The following ASIC2 variants were observed in gnomAD, a reference collection of about 807,000 sequenced individuals.
The protein encoded by ASIC2 is acid-sensing ion channel 2.
A neutral mutation model predicts 57.3 loss-of-function variants in ASIC2; 25 were observed. The observed-to-expected ratio is 0.44, with a 90% confidence interval of 0.32 to 0.61. The LOEUF (loss-of-function observed/expected upper bound fraction) is 0.61. Among genes scored for constraint, ASIC2 ranks in the 20% least tolerant of loss-of-function variants. The pLI is 0.06. For synonymous variants in ASIC2, 319 were observed against 307.5 expected (o/e 1.04, Z -0.39); for missense variants, 641 against 738.1 (o/e 0.87, Z 1.52).
rs114255659 is a variant in ASIC2 at position 33,342,445 on chromosome 17, T to G, written c.556-230378A>C. 3.5e-3 allele frequency among the ~76,000 whole-genome samples: 527 copies of G among 152,236 alleles called. 4 individuals are homozygous for G. The highest frequency in any genetic ancestry group is 0.012 in the African/African-American group (501 of 41,546). The stretch of plus-strand genomic sequence containing the variant: ...TTGTGTGTTTGTAAGTCTATATGAG[T>G]TCACATGTACATACATGCATGTGGT... On this transcript the variant is annotated intron_variant, in intron 1 of 9. Transcript: ENST00000359872.
At chr17:33,062,231 C>G (rs113186924) in intron 3 of ASIC2, among the ~76,000 whole-genome samples, 1 of 152,126 alleles carries the variant, frequency 6.6e-6, no homozygotes, top group African/African-American at 2.4e-5. Flanking sequence ...TCTTGCTTCT[C>G]TAGTTCTTTT....
intron 1 of ASIC2, among the ~76,000 whole-genome samples, chr17:33,474,366 A>C (rs1474989498): frequency 6.6e-6 from 1 of 152,126 alleles, no homozygotes; most frequent in African/African-American, 2.4e-5. Flanking sequence ...GACTCCTTGC[A>C]TCCCCCCGCC....
In ASIC2 at chr17:33,434,102, G is replaced by A. The variant is rs543357681; in HGVS notation, c.556-322035C>T. Among the ~76,000 whole-genome samples the A allele has an allele frequency of 7.2e-5, 11 of 151,942 alleles. No individual in the cohort carries two copies. In the East Asian group the frequency reaches 1.2e-3, roughly 16 times the overall value. ...TCAAGACCAGCCTGGGCAACATTAC[G>A]AGACCTCCTCTCAAAAAATAAATAA... is the stretch of plus-strand genomic sequence containing the variant. On this transcript the variant is annotated intron_variant, in intron 1 of 9. Transcript: ENST00000359872.
chr17:33,305,760 TA>T (rs990985998), intron 1 of ASIC2, among the ~76,000 whole-genome samples: 2 of 151,986 alleles, frequency 1.3e-5, no homozygotes, highest in East Asian at 1.9e-4. Flanking sequence ...ATGGTTTCAT[TA>T]AAAAAAAGTT....
chr17:33,214,022 C>T (rs1005981164), intron 1 of ASIC2, among the ~76,000 whole-genome samples: 11 of 150,338 alleles, frequency 7.3e-5, no homozygotes, highest in African/African-American at 2.7e-4. Flanking sequence ...AATGTGCACA[C>T]TTCCCTGAGC....
At chr17:33,632,679 G>A (rs1906212318) in intron 1 of ASIC2, among the ~76,000 whole-genome samples, 1 of 152,100 alleles carries the variant, frequency 6.6e-6, no homozygotes, top group Non-Finnish European at 1.5e-5. Context: ...AAGTCCTCCT[G>A]CCTCAGGCTC....
In ASIC2 at chr17:33,028,327, A is replaced by T. The variant is rs138818460; in HGVS notation, c.1053T>A (p.Pro351=). Residue 351 remains proline (P), a synonymous_variant, in exon 4 of 10, where the codon CCT becomes CCA. Transcript: ENST00000225823. ...RSSEMGLDFF[P]VYSITACRID... ...TCCTACAGGCGGTGATGCTGTAAAC[A>T]GGAAAAAAGTCGAGGCCCATCTCTG... The T allele has an allele frequency of 1.2e-6, 2 of 1,614,088 alleles. No individual in the cohort carries two copies. The highest frequency in any genetic ancestry group is 2.7e-5 in the African/African-American group (2 of 74,930).
At chr17:33,146,496 C>G (rs149079910) in intron 1 of ASIC2, among the ~76,000 whole-genome samples, 407 of 152,330 alleles carry the variant, frequency 2.7e-3, no homozygotes, top group African/African-American at 9.6e-3. Context: ...TTCCTACTAT[C>G]AAAAACTAGG....
At chr17:33,741,549 A>G (rs1339966361) in intron 1 of ASIC2, among the ~76,000 whole-genome samples, 1 of 152,206 alleles carries the variant, frequency 6.6e-6, no homozygotes, top group African/African-American at 2.4e-5. Context: ...AAGGGGGCAT[A>G]AAGATAAAAC....
At chr17:33,521,850 G>A (rs779838466) in intron 1 of ASIC2, among the ~76,000 whole-genome samples, 14 of 152,294 alleles carry the variant, frequency 9.2e-5, no homozygotes, top group African/African-American at 3.4e-4. Context: ...GAAGACACCT[G>A]ACAAGAGGGG....
At chr17:33,456,045 C>CGAA (rs1912441417) in intron 1 of ASIC2, among the ~76,000 whole-genome samples, 1 of 152,164 alleles carries the variant, frequency 6.6e-6, no homozygotes, top group African/African-American at 2.4e-5. Context: ...TCCAGGCTTC[C>CGAA]GGTCCAGGGC....
chr17:33,920,469 T>C (rs1443430553), intron 1 of ASIC2, among the ~76,000 whole-genome samples: 1 of 152,060 alleles, frequency 6.6e-6, no homozygotes, highest in African/African-American at 2.4e-5. Context: ...GAAAACCAAA[T>C]ACCACAGGTT....
chr17:34,126,386 AC>A (rs1911781414), intron 1 of ASIC2, among the ~76,000 whole-genome samples: 2 of 152,186 alleles, frequency 1.3e-5, no homozygotes, highest in South Asian at 4.1e-4. Context: ...GGAGGAAAGT[AC>A]GGAATAAATA....
chr17:34,155,806 T>G (rs1026449272), intron 1 of ASIC2: 2 of 703,074 alleles, frequency 2.8e-6, no homozygotes, highest in Admixed American at 6.0e-5. Flanking sequence ...GCCGGTAGCC[T>G]TCCCTGCAAC....
At chr17:34,077,181 C>T (rs983575707) in intron 1 of ASIC2, among the ~76,000 whole-genome samples, 3 of 152,168 alleles carry the variant, frequency 2.0e-5, no homozygotes, top group Non-Finnish European at 2.9e-5. Context: ...ACAGTGGAGA[C>T]GTGATGAGTC....
chr17:33,741,757 G>A lies in ASIC2; in HGVS notation c.555+414221C>T, dbSNP rs531934266. On this transcript the variant is annotated intron_variant, in intron 1 of 9. Coordinates refer to the ASIC2 transcript ENST00000359872. The stretch of plus-strand genomic sequence containing the variant: ...CATAATCACCATGAGCCCAGCCCCA[G>A]CACCAGCCTACCCATGCTCAGGCAG... Among the ~76,000 whole-genome samples the A allele has an allele frequency of 2.0e-5, 3 of 152,322 alleles. No homozygotes were observed. The East Asian group carries it at 5.8e-4, about 29-fold the overall frequency.
chr17:34,041,932 G>A (rs1567798249), intron 1 of ASIC2, among the ~76,000 whole-genome samples: 1 of 152,100 alleles, frequency 6.6e-6, no homozygotes, highest in Non-Finnish European at 1.5e-5. Context: ...ATTCTGCTAG[G>A]CATATCCCCA....
At chr17:33,387,687 G>A (rs373518202) in intron 1 of ASIC2, among the ~76,000 whole-genome samples, 5 of 152,180 alleles carry the variant, frequency 3.3e-5, no homozygotes, top group Non-Finnish European at 5.9e-5. Flanking sequence ...CTTAAGATGG[G>A]GCCATTACCC....
intron 1 of ASIC2, among the ~76,000 whole-genome samples, chr17:33,997,688 T>C (rs1906207545): frequency 2.0e-5 from 3 of 152,222 alleles, no homozygotes; most frequent in Admixed American, 2.0e-4. Context: ...CTGATTTGTG[T>C]ATGCTGAATC....
Sources: gnomAD v4.1 joint callset for allele counts (sites outside exome capture counted in the v4.1 genomes callset) on GRCh38, gnomAD v4.1.1 for gene constraint, MANE v1.5 for transcripts, NCBI Gene and HGNC (gene_info 2026-07-23, HGNC 2026-07-21) for gene names.